Variants in FH observed in about 807,000 individuals in gnomAD.
The protein encoded by FH is fumarate hydratase, mitochondrial.
In FH, 22 loss-of-function variants were observed where a neutral mutation model predicts 49.4. That is an observed-to-expected ratio of 0.45 (90% CI 0.32 to 0.64). The LOEUF is 0.64. Ranked by LOEUF, FH falls within the 30% of genes least tolerant of loss-of-function variation. The pLI, the probability that FH is intolerant of heterozygous loss-of-function variation, is 0.05. For missense variants in FH, 526 were observed against 641.5 expected, an observed-to-expected ratio of 0.82 and a Z score of 1.95; for synonymous variants, 208 against 223.0, an observed-to-expected ratio of 0.93 and a Z score of 0.60.
intron 7 of FH, 35 bp downstream of exon 7, chr1:241,504,007 G>C: frequency 1.3e-6 from 2 of 1,592,202 alleles, no homozygotes; most frequent in Non-Finnish European, 1.7e-6. Context: ...ACCTAGTCAA[G>C]TTTTAGCTCC....
rs1468310365 is a variant in FH at position 241,513,636 on chromosome 1, C to T, written c.345G>A (p.Lys115=). ...EVNQDYGLDP[K]IANAIMKAAD... is the part of the protein sequence containing the mutation. ...CTGCCTTCATTATTGCATTAGCAAT[C>T]TTTGGATCAAGACCATAATCCTGGT... is the stretch of plus-strand genomic sequence containing the variant. Residue 115 remains lysine, a synonymous_variant, in exon 3 of 10, where the codon AAG becomes AAA. Transcript: ENST00000366560. 6.2e-7 allele frequency: 1 copy of T among 1,613,998 alleles called. No individual in the cohort carries two copies. Among genetic ancestry groups the T allele is most frequent in the Non-Finnish European group, 8.5e-7 (1 of 1,179,978 alleles).
chr1:241,514,158 C>T (rs1390601042), intron 2 of FH, among the ~76,000 whole-genome samples: 1 of 152,038 alleles, frequency 6.6e-6, no homozygotes, highest in Non-Finnish European at 1.5e-5. Context: ...TTTCCTTCCC[C>T]TCTTAAAAAA....
chr1:241,508,540 G>T, intron 5 of FH, 63 bp downstream of exon 5: 1 of 1,429,684 alleles, frequency 7.0e-7, no homozygotes, highest in Non-Finnish European at 9.9e-7. Context: ...CAGATTTCAA[G>T]GATGACACAT....
At chr1:241,502,373 T>C in intron 8 of FH, 70 bp downstream of exon 8, 2 of 1,587,886 alleles carry the variant, frequency 1.3e-6, no homozygotes, top group Non-Finnish European at 1.7e-6. Context: ...ACTAGAAGTC[T>C]TTATGAAATA....
In FH at chr1:241,511,733, A is replaced by G; in HGVS notation, c.555+234T>C. 5 of 498,040 alleles carry G rather than the reference A, an allele frequency of 1.0e-5. No homozygotes were observed. In the South Asian group the frequency reaches 1.3e-4, roughly 13 times the overall value. The allele number at this position is 498,040 out of a possible 1,614,324, so 30.9% of individuals were successfully genotyped here. On this transcript the variant is annotated intron_variant, in intron 4 of 9. Transcript: ENST00000366560. ...CTTATAAATCTAAAATTATTTCAAA[A>G]TAGAGTTTTAAACAATAAAAAAATA...
In FH at chr1:241,497,927, A is replaced by G. The variant is rs786202199; in HGVS notation, c.1434T>C (p.Asn478=). ...AAKIAKTAHK[N]GSTLKETAIE... ...TAGCAGTTTCCTTTAAGGTTGATCC[A>G]TTTTTGTGTGCTGTCTTAGCAATCT... Residue 478 remains asparagine, a synonymous_variant, in exon 10 of 10, where the codon AAT becomes AAC. Transcript: ENST00000366560. The G allele has an allele frequency of 1.7e-5, 27 of 1,613,966 alleles. No homozygotes were observed. The highest frequency in any genetic ancestry group is 2.1e-5 in the Non-Finnish European group (25 of 1,179,966).
At chr1:241,508,169 C>T (rs554360506) in intron 5 of FH, among the ~76,000 whole-genome samples, 14 of 152,164 alleles carry the variant, frequency 9.2e-5, no homozygotes, top group African/African-American at 2.4e-4. Context: ...ACAGCGATGA[C>T]GGTGGTGATG....
At chr1:241,503,856 TTCTTCCTA>T (rs1460611457) in intron 7 of FH, among the ~76,000 whole-genome samples, 178 bp downstream of exon 7, 2 of 152,262 alleles carry the variant, frequency 1.3e-5, no homozygotes, top group African/African-American at 4.8e-5. Context: ...GTCAGATTCT[TTCTTCCTA>T]TCTTGTCAGG....
chr1:241,506,673 G>C lies in FH; in HGVS notation c.739-505C>G, dbSNP rs1354312169. ...ATATGAAGACATTCTACAGAGACTT[G>C]GGAAGCTAATGACTCACTGAATAGC... On this transcript the variant is annotated intron_variant, in intron 5 of 9. Coordinates refer to ENST00000366560, the MANE Select transcript of FH (RefSeq NM_000143.4). 5.9e-5 allele frequency among the ~76,000 whole-genome samples: 9 copies of C among 152,082 alleles called. No homozygotes were observed. In the East Asian group the frequency reaches 1.7e-3, roughly 29 times the overall value.
rs1469317078 is a variant in FH, at chr1:241,519,666, G to A, written c.57C>T (p.Ala19=). The change falls in exon 1 of 10, where the codon GCC becomes GCT. Residue 19 remains alanine (A), a synonymous_variant. Coordinates refer to ENST00000366560, the MANE Select transcript of FH (RefSeq NM_000143.4). ...ARSRPLVRAP[A]AALASAPGLG... ...AGCCGGGAGCCGAAGCTAAGGCTGC[G>A]GCTGGAGCCCGCACGAGGGGACGCG... The A allele has an allele frequency of 1.3e-6, 2 of 1,547,890 alleles. No individual in the cohort carries two copies. Among genetic ancestry groups the A allele is most frequent in the Non-Finnish European group, 1.7e-6 (2 of 1,146,382 alleles).
chr1:241,511,335 C>T (rs1660078264), intron 4 of FH, among the ~76,000 whole-genome samples: 1 of 152,200 alleles, frequency 6.6e-6, no homozygotes, highest in Admixed American at 6.5e-5. Flanking sequence ...TTCTAGCTGC[C>T]AGAACTGTGA....
intron 4 of FH, among the ~76,000 whole-genome samples, chr1:241,511,507 C>G (rs570399318): frequency 1.3e-5 from 2 of 151,684 alleles, no homozygotes; most frequent in Admixed American, 6.6e-5. Flanking sequence ...TTGATTGGAT[C>G]CTGAAAAAGA....
At position 241,517,422 on chromosome 1, in the gene FH, C is replaced by A; in HGVS notation, c.133-106G>T. ...GAGAAAGAAACCTGAATAAGTATCA[C>A]AAAGACAAAAAAATACTATTTGGAT... On this transcript the variant is annotated intron_variant, in intron 1 of 9. Transcript: ENST00000366560. 3.2e-6 allele frequency: 4 copies of A among 1,235,426 alleles called. No homozygotes were observed. In the South Asian group the frequency reaches 3.9e-5, roughly 12 times the overall value. The allele number at this position is 1,235,426 out of a possible 1,614,324, so 76.5% of individuals were successfully genotyped here.
At chr1:241,506,561 A>G (rs1659936585) in intron 5 of FH, among the ~76,000 whole-genome samples, 2 of 152,208 alleles carry the variant, frequency 1.3e-5, no homozygotes, top group Admixed American at 6.5e-5. Flanking sequence ...ACTTTGGTGT[A>G]AGAAAAAATA....
intron 8 of FH, among the ~76,000 whole-genome samples, chr1:241,501,904 T>C (rs1261762909): frequency 1.3e-5 from 2 of 152,074 alleles, no homozygotes; most frequent in Non-Finnish European, 2.9e-5. Context: ...AGCCAGACAA[T>C]GAAACGAAGT....
chr1:241,516,853 A>G (rs1460738507), intron 2 of FH, among the ~76,000 whole-genome samples: 2 of 151,014 alleles, frequency 1.3e-5, no homozygotes, highest in Non-Finnish European at 3.0e-5. Flanking sequence ...GAGTTTCACC[A>G]TGTTGGCCAG....
chr1:241,504,004 C>A lies in FH; in HGVS notation c.1108+38G>T, dbSNP rs760580659. The A allele has an allele frequency of 2.5e-5, 40 of 1,582,504 alleles. No individual in the cohort carries two copies. The South Asian group carries it at 3.3e-4, about 13-fold the overall frequency. On this transcript the variant is annotated intron_variant, in intron 7 of 9. Coordinates refer to ENST00000366560, the MANE Select transcript of FH (RefSeq NM_000143.4). ...TAGCTAAGAATGCCTAGGACCTAGTCAAGTTTTAGCTCCAACATTTACTAG... is the reference window on the plus strand; with the variant it reads ...TAGCTAAGAATGCCTAGGACCTAGTAAAGTTTTAGCTCCAACATTTACTAG...
At chr1:241,519,486 G>A (rs1433294184) in intron 1 of FH, 105 bp downstream of exon 1, 3 of 1,377,188 alleles carry the variant, frequency 2.2e-6, no homozygotes, top group Admixed American at 2.3e-5. Flanking sequence ...GGCGCGGCCC[G>A]GACGCCCGGG....
At position 241,517,303 on chromosome 1, in the gene FH, G is replaced by A. The variant is rs1200934499; in HGVS notation, c.146C>T (p.Ser49Phe). ...AAAGGTATCATATTCTATCCGGAAG[G>A]AATTTTGGCTTGCCTAAAGACAAGA... ...PNAARMASQN[S>F]FRIEYDTFGE... Residue 49 changes from serine (S) to phenylalanine (F), a missense_variant, in exon 2 of 10, where the codon TCC becomes TTC. Transcript: ENST00000366560. 1 of 1,613,910 alleles carries A rather than the reference G, an allele frequency of 6.2e-7. No homozygotes were observed. Among genetic ancestry groups the A allele is most frequent in the African/African-American group, 1.3e-5 (1 of 74,902 alleles).
Sources: gnomAD v4.1 joint callset for allele counts (sites outside exome capture counted in the v4.1 genomes callset) on GRCh38, gnomAD v4.1.1 for gene constraint, MANE v1.5 for transcripts, NCBI Gene and HGNC (gene_info 2026-07-23, HGNC 2026-07-21) for gene names.